Variants in DEPDC1B observed in about 807,000 individuals in gnomAD.
The protein encoded by DEPDC1B is DEP domain containing 1B, also known as DEP domain-containing protein 1B.
In DEPDC1B, 51 loss-of-function variants were observed where a neutral mutation model predicts 66.5. The observed-to-expected ratio is 0.77, with a 90% CI of 0.61 to 0.97. The LOEUF (loss-of-function observed/expected upper bound fraction) is 0.97. Among genes scored for constraint, DEPDC1B ranks in the 50% least tolerant of loss-of-function variants. The pLI, the probability that DEPDC1B is intolerant of heterozygous loss-of-function variation, is 0.00. For missense variants in DEPDC1B, 552 were observed against 637.1 expected (o/e 0.87, Z 1.44); for synonymous variants, 226 against 223.6 (o/e 1.01, Z -0.10).
intron 7 of DEPDC1B, among the ~76,000 whole-genome samples, chr5:60,634,394 C>T (rs551328623): frequency 2.6e-5 from 4 of 152,208 alleles, no homozygotes; most frequent in South Asian, 2.1e-4. Flanking sequence ...ACAAATAGGC[C>T]GGGCACAGTG....
chr5:60,691,609 CA>C (rs879705856), intron 1 of DEPDC1B, among the ~76,000 whole-genome samples: 1 of 146,330 alleles, frequency 6.8e-6, no homozygotes, highest in Non-Finnish European at 1.5e-5. Context: ...CCAAACAAAA[CA>C]AAAAAAATCA....
At chr5:60,666,386 C>T (rs1046740674) in intron 2 of DEPDC1B, among the ~76,000 whole-genome samples, 4 of 152,168 alleles carry the variant, frequency 2.6e-5, no homozygotes, top group Non-Finnish European at 5.9e-5. Context: ...GGTCAGAGAA[C>T]AAAAGGCTTG....
rs1326544480 is a variant in DEPDC1B at position 60,597,182 on chromosome 5, A to T, written c.*571T>A. 6.6e-6 allele frequency: 1 copy of T among 152,638 alleles called. No individual in the cohort carries two copies. The highest frequency in any genetic ancestry group is 1.5e-5 in the Non-Finnish European group (1 of 68,044). 9.5% of individuals were successfully genotyped at this position (152,638 alleles called of 1,614,324 possible). On this transcript the variant is annotated 3_prime_UTR_variant, in exon 11 of 11. Coordinates refer to ENST00000265036, the MANE Select transcript of DEPDC1B (RefSeq NM_018369.3). ...GTTATAAAAACACTAGCTTTAGTAA[A>T]ATCTGTCATAACATCCAATAAATCT...
At position 60,605,673 on chromosome 5, in the gene DEPDC1B, G is replaced by A. The variant is rs1237420519; in HGVS notation, c.1065+17C>T. On this transcript the variant is annotated intron_variant, in intron 8 of 10. Coordinates refer to ENST00000265036, the MANE Select transcript of DEPDC1B (RefSeq NM_018369.3). Reference sequence around the variant, plus strand: ...TTCATTCCAAAAAGTCATACCTGATGTTAAAAATCAACCTACCAGTGTTCG... The same window carrying A: ...TTCATTCCAAAAAGTCATACCTGATATTAAAAATCAACCTACCAGTGTTCG... 3 of 1,607,280 alleles carry A rather than the reference G, an allele frequency of 1.9e-6. No individual in the cohort carries two copies. Among genetic ancestry groups the A allele is most frequent in the African/African-American group, 1.3e-5 (1 of 74,628 alleles).
At chr5:60,684,547 G>C (rs148588300) in intron 2 of DEPDC1B, among the ~76,000 whole-genome samples, 3 of 152,126 alleles carry the variant, frequency 2.0e-5, no homozygotes, top group South Asian at 2.1e-4. Context: ...TTATGCAGAA[G>C]AATGAAACTA....
chr5:60,604,163 C>T (rs1752262182), intron 8 of DEPDC1B, among the ~76,000 whole-genome samples: 1 of 137,626 alleles, frequency 7.3e-6, no homozygotes, highest in Non-Finnish European at 1.5e-5. Context: ...AGCAGAAATG[C>T]AAAATATATT....
chr5:60,605,192 C>T (rs1349523578), intron 8 of DEPDC1B, among the ~76,000 whole-genome samples: 1 of 152,134 alleles, frequency 6.6e-6, no homozygotes, highest in East Asian at 1.9e-4. Flanking sequence ...TCAAAGGGTA[C>T]AAAGATCCAG....
intron 5 of DEPDC1B, 90 bp from the exon 6 acceptor site, chr5:60,642,949 A>G: frequency 1.1e-6 from 1 of 943,958 alleles, no homozygotes; most frequent in South Asian, 1.6e-5. Flanking sequence ...TACTTGCCCA[A>G]GTAATATGAA....
chr5:60,674,743 C>T (rs1180957987), intron 2 of DEPDC1B, among the ~76,000 whole-genome samples: 2 of 152,172 alleles, frequency 1.3e-5, no homozygotes, highest in Admixed American at 6.5e-5. Flanking sequence ...CATCTGGGTT[C>T]TTAGTTGCAA....
chr5:60,605,004 A>G (rs1752280842), intron 8 of DEPDC1B, among the ~76,000 whole-genome samples: 1 of 152,232 alleles, frequency 6.6e-6, no homozygotes, highest in South Asian at 2.1e-4. Flanking sequence ...TGGAAAGCAC[A>G]TACATTCCAC....
chr5:60,698,175 T>A (rs543946637), intron 1 of DEPDC1B, among the ~76,000 whole-genome samples: 21 of 152,330 alleles, frequency 1.4e-4, no homozygotes, highest in Admixed American at 1.3e-3. Flanking sequence ...GTTAGACTTA[T>A]CAATATTCTT....
chr5:60,643,807 C>T (rs1046047657), intron 5 of DEPDC1B, among the ~76,000 whole-genome samples: 1 of 152,148 alleles, frequency 6.6e-6, no homozygotes, highest in Non-Finnish European at 1.5e-5. Context: ...ATTTGTCTCT[C>T]ATTGTCCTCC....
Position 60,638,861 on chromosome 5 carries a change from T to C in DEPDC1B, c.787A>G (p.Met263Val), listed in dbSNP as rs756653073. Residue 263 changes from methionine to valine, a missense_variant, in exon 7 of 11, where the codon ATG becomes GTG. Met to Val is a conservative substitution (Grantham distance 21). Transcript: ENST00000265036. ...WPNCSDLKQP[M>V]YLGFEKDVFK... ...ACATCTTTTTCAAATCCCAAGTACA[T>C]AGGCTGCTTCAAATCAGAACAGTTG... The C allele has an allele frequency of 2.5e-6, 4 of 1,612,656 alleles. No individual in the cohort carries two copies. In the South Asian group the frequency reaches 4.4e-5, roughly 18 times the overall value.
chr5:60,667,416 AT>A (rs1381792875), intron 2 of DEPDC1B, among the ~76,000 whole-genome samples: 2 of 144,616 alleles, frequency 1.4e-5, no homozygotes, highest in Admixed American at 6.9e-5. Flanking sequence ...TATACAAAAA[AT>A]GGATATTTTA....
chr5:60,659,323 A>G lies in DEPDC1B; in HGVS notation c.315-11790T>C, dbSNP rs763925647. ...ATGGGGATTCTCCAAAGCAGTGAGTAATATCGGACCACTTTCGCTTGCTAT... is the reference window on the plus strand; with the variant it reads ...ATGGGGATTCTCCAAAGCAGTGAGTGATATCGGACCACTTTCGCTTGCTAT... On this transcript the variant is annotated intron_variant, in intron 2 of 10. Coordinates refer to ENST00000265036, the MANE Select transcript of DEPDC1B (RefSeq NM_018369.3). Among the ~76,000 whole-genome samples the G allele has an allele frequency of 3.3e-5, 5 of 152,300 alleles. No homozygotes were observed. In the East Asian group the frequency reaches 7.7e-4, roughly 24 times the overall value.
At chr5:60,664,155 G>A (rs1561381965) in intron 2 of DEPDC1B, among the ~76,000 whole-genome samples, 4 of 152,126 alleles carry the variant, frequency 2.6e-5, no homozygotes, top group African/African-American at 9.7e-5. Flanking sequence ...GCTTGCCAAC[G>A]GGGCAAGACT....
Sources: allele counts gnomAD v4.1 joint callset (sites outside exome capture counted in the v4.1 genomes callset), GRCh38; gene constraint gnomAD v4.1.1; transcripts MANE v1.5; gene names NCBI Gene and HGNC (gene_info 2026-07-23, HGNC 2026-07-21).